The following TMBIM1 variants were observed in gnomAD, a reference collection of about 807,000 sequenced individuals.
TMBIM1 encodes the protein protein lifeguard 3.
Under a neutral mutation model 45.1 loss-of-function variants are expected in TMBIM1, and 34 were observed. The ratio of observed to expected loss-of-function variants is 0.75; its 90% CI spans 0.57 to 1.00. The LOEUF is 1.00. TMBIM1 is among the 50% of genes least tolerant of loss of function. The pLI is 0.00. For missense variants in TMBIM1, 374 were observed against 402.4 expected, an observed-to-expected ratio of 0.93 and a Z score of 0.60; for synonymous variants, 157 against 153.5, an observed-to-expected ratio of 1.02 and a Z score of -0.17.
chr2:218,291,268 A>C (rs1415926846), intron 1 of TMBIM1, among the ~76,000 whole-genome samples: 1 of 152,162 alleles, frequency 6.6e-6, no homozygotes, highest in Non-Finnish European at 1.5e-5. Context: ...TCTTCCATTT[A>C]AGCTATAAAC....
chr2:218,275,079 G>A lies in TMBIM1; in HGVS notation c.*396C>T, dbSNP rs371347056. The A allele has an allele frequency of 1.5e-3, 240 of 159,596 alleles. No homozygotes were observed. The highest frequency in any genetic ancestry group is 5.4e-3 in the African/African-American group (227 of 41,832). 9.9% of individuals were successfully genotyped at this position (159,596 alleles called of 1,614,324 possible). A position where few individuals can be genotyped will look rare whatever the true frequency, so the allele number is the denominator to read the frequency against. ...CTCCAACTACGTAGTCAAGAAGCCTGTGACAGAGGTGGGAGGGGAACCTCG... is the reference window on the plus strand; with the variant it reads ...CTCCAACTACGTAGTCAAGAAGCCTATGACAGAGGTGGGAGGGGAACCTCG... On this transcript the variant is annotated 3_prime_UTR_variant, in exon 12 of 12. Transcript: ENST00000258412.
At position 218,279,046 on chromosome 2, in the gene TMBIM1, G is replaced by A. The variant is rs147774381; in HGVS notation, c.414C>T (p.Tyr138=). Residue 138 remains tyrosine (Y), a synonymous_variant, in exon 5 of 12, where the codon TAC becomes TAT. Coordinates refer to ENST00000258412, the MANE Select transcript of TMBIM1 (RefSeq NM_022152.6). Reference sequence around the variant, plus strand: ...GAGGAGCACACACTCACTAGGACACGTAGTAGACAGCCACATTTCTCCTCA... The same window carrying A: ...GAGGAGCACACACTCACTAGGACACATAGTAGACAGCCACATTTCTCCTCA... ...AFVRRNVAVY[Y]VSYAVFVVTY... 36 of 1,614,142 alleles carry A rather than the reference G, an allele frequency of 2.2e-5. No individual in the cohort carries two copies. The highest frequency in any genetic ancestry group is 8.9e-5 in the East Asian group (4 of 44,884).
In TMBIM1 at chr2:218,275,353, G is replaced by A; in HGVS notation, c.*122C>T. On this transcript the variant is annotated 3_prime_UTR_variant, in exon 12 of 12. Transcript: ENST00000258412. ...GGCCACCTGTCTCCAGGACAGAAAG[G>A]AAACTGGGCATGTTACTCAAGGGGA... The A allele has an allele frequency of 7.3e-7, 1 of 1,360,722 alleles. No homozygotes were observed. The highest frequency in any genetic ancestry group is 1.5e-5 in the South Asian group (1 of 66,678). The allele number at this position is 1,360,722 out of a possible 1,614,324, so 84.3% of individuals were successfully genotyped here.
intron 1 of TMBIM1, among the ~76,000 whole-genome samples, chr2:218,284,455 G>A (rs972340010): frequency 7.9e-5 from 12 of 152,218 alleles, no homozygotes; most frequent in Admixed American, 1.3e-4. Flanking sequence ...GGCAGCCACC[G>A]GGTGAAAGGT....
At chr2:218,277,267 G>A in intron 9 of TMBIM1, 99 bp downstream of exon 9, 1 of 1,232,944 alleles carries the variant, frequency 8.1e-7, no homozygotes, top group South Asian at 1.2e-5. Context: ...ATGAGGAGAA[G>A]GGGATCAGGT....
intron 1 of TMBIM1, among the ~76,000 whole-genome samples, chr2:218,283,303 G>A (rs552652724): frequency 2.0e-4 from 30 of 152,214 alleles, no homozygotes; most frequent in Admixed American, 9.8e-4. Context: ...CCCAGAACTC[G>A]CAGGTCAGTG....
At position 218,280,115 on chromosome 2, in the gene TMBIM1, C is replaced by T; in HGVS notation, c.214G>A (p.Gly72Ser). 6.2e-7 allele frequency: 1 copy of T among 1,614,030 alleles called. No homozygotes were observed. Among genetic ancestry groups the T allele is most frequent in the Non-Finnish European group, 8.5e-7 (1 of 1,179,848 alleles). Residue 72 changes from glycine (G) to serine (S), a missense_variant, in exon 3 of 12, where the codon GGC becomes AGC. Gly to Ser is a moderately conservative substitution (Grantham distance 56). Transcript: ENST00000258412. ...ACTGCTCTCTCCTCCCCATCATAGCCATGGCCTGGGCCTAGGGACAGATGA... is the reference window on the plus strand; with the variant it reads ...ACTGCTCTCTCCTCCCCATCATAGCTATGGCCTGGGCCTAGGGACAGATGA... The part of the protein sequence containing the change: ...PMPMNYGPGH[G>S]YDGEERAVSD...
chr2:218,288,844 T>C (rs1347161863), intron 1 of TMBIM1, among the ~76,000 whole-genome samples: 1 of 152,074 alleles, frequency 6.6e-6, no homozygotes, highest in African/African-American at 2.4e-5. Flanking sequence ...GTCAAAATGG[T>C]CCCATTTTGG....
Position 218,277,635 on chromosome 2 carries a change from G to A in TMBIM1, c.549C>T (p.Ser183=). 1 of 1,614,214 alleles carries A rather than the reference G, an allele frequency of 6.2e-7. No homozygotes were observed. Among genetic ancestry groups the A allele is most frequent in the African/African-American group, 1.3e-5 (1 of 75,048 alleles). The change falls in exon 8 of 12, where the codon TCC becomes TCT. Residue 183 remains serine (S), a splice_region_variant and synonymous_variant. Coordinates refer to ENST00000258412, the MANE Select transcript of TMBIM1 (RefSeq NM_022152.6). ...FAMGFMTGTI[S]SMYQTKAVII... is the part of the protein sequence containing the mutation. ...TGGTGCTTTATCCCTGAATGTACCTGGAAATGGTGCCCGTCATGAAGCCCA... is the reference window on the plus strand; with the variant it reads ...TGGTGCTTTATCCCTGAATGTACCTAGAAATGGTGCCCGTCATGAAGCCCA...
intron 2 of TMBIM1, chr2:218,280,805 CT>C (rs950294415): frequency 0.015 from 1,512 of 104,034 alleles, 1 homozygote; most frequent in Non-Finnish European, 0.023. Context: ...ACCTCATTTC[CT>C]TTTTTTTTTT....
intron 5 of TMBIM1, 42 bp from the exon 6 acceptor site, chr2:218,278,607 G>A (rs766629777): frequency 1.2e-6 from 2 of 1,608,940 alleles, no homozygotes; most frequent in Non-Finnish European, 1.7e-6. Context: ...GCCCAAATCT[G>A]CCCCGCTTGG....
intron 6 of TMBIM1, 93 bp downstream of exon 6, chr2:218,278,422 C>T: frequency 1.6e-6 from 2 of 1,280,618 alleles, no homozygotes; most frequent in Non-Finnish European, 2.3e-6. Flanking sequence ...AGTTTCCATT[C>T]AGCTGCTATA....
At chr2:218,285,209 T>G (rs534382444) in intron 1 of TMBIM1, among the ~76,000 whole-genome samples, 5 of 152,356 alleles carry the variant, frequency 3.3e-5, no homozygotes, top group Admixed American at 2.6e-4. Context: ...AAGTTAATAC[T>G]GTTATTATTA....
chr2:218,275,231 A>C lies in TMBIM1; in HGVS notation c.*244T>G, dbSNP rs1691075209. On this transcript the variant is annotated 3_prime_UTR_variant, in exon 12 of 12. Transcript: ENST00000258412. ...ATACAGTAGGTGGCGGGGAGAAGAC[A>C]CATCTTCAGCCTAGTCCCTGCCAAG... 2 of 405,966 alleles carry C rather than the reference A, an allele frequency of 4.9e-6. No homozygotes were observed. Among genetic ancestry groups the C allele is most frequent in the Non-Finnish European group, 8.7e-6 (2 of 230,712 alleles). 25.1% of individuals were successfully genotyped at this position (405,966 alleles called of 1,614,324 possible).
chr2:218,277,004 G>A lies in TMBIM1; in HGVS notation c.735C>T (p.Tyr245=), dbSNP rs746214426. The A allele has an allele frequency of 2.1e-5, 34 of 1,613,294 alleles. No homozygotes were observed. The highest frequency in any genetic ancestry group is 1.6e-4 in the Middle Eastern group (1 of 6,082). The change falls in exon 10 of 12, where the codon TAC becomes TAT. Residue 245 remains tyrosine, a splice_region_variant and synonymous_variant. Transcript: ENST00000258412. Reference sequence around the variant, plus strand: ...ACCCCAGCTCTCCTGGGACACTCACGTATTGGAAGTAGAGCACAATGCTAG... The same window carrying A: ...ACCCCAGCTCTCCTGGGACACTCACATATTGGAAGTAGAGCACAATGCTAG... ...IVTSIVLYFQ[Y]VYWLHMLYAA...
intron 6 of TMBIM1, 63 bp downstream of exon 6, chr2:218,278,452 A>G: frequency 2.6e-6 from 4 of 1,531,142 alleles, no homozygotes; most frequent in Non-Finnish European, 2.7e-6. Flanking sequence ...TTCTTTCCAA[A>G]ATACTCGGCC....
chr2:218,276,617 TA>T (rs1241265516), intron 10 of TMBIM1, among the ~76,000 whole-genome samples: 1 of 149,322 alleles, frequency 6.7e-6, no homozygotes, highest in Admixed American at 6.8e-5. Context: ...CTGAACAGAA[TA>T]AAGGAAATAA....
At chr2:218,289,475 C>CAAACCTG in intron 1 of TMBIM1, among the ~76,000 whole-genome samples, 1 of 151,918 alleles carries the variant, frequency 6.6e-6, no homozygotes, top group Non-Finnish European at 1.5e-5. Context: ...AACCTCGTCT[C>CAAACCTG]TACTAAAAAT....
In TMBIM1 at chr2:218,278,567, T is replaced by G. The variant is rs1001934428; in HGVS notation, c.423-2A>C. 8 of 1,613,950 alleles carry G rather than the reference T, an allele frequency of 5.0e-6. No individual in the cohort carries two copies. The African/African-American group carries it at 1.1e-4, about 22-fold the overall frequency. On this transcript the variant is annotated splice_acceptor_variant, in intron 5 of 11. Transcript: ENST00000258412. LOFTEE classifies it high-confidence loss of function. ...AGGTAGGTGACAACGAAGACAGCAC[T>G]AGGGACAAAGAGATGGGGAAGCAGT...
Sources: gnomAD v4.1 joint callset for allele counts (sites outside exome capture counted in the v4.1 genomes callset) on GRCh38, gnomAD v4.1.1 for gene constraint, MANE v1.5 for transcripts, NCBI Gene and HGNC (gene_info 2026-07-23, HGNC 2026-07-21) for gene names.